HIGD1C: variants seen among roughly 807,000 people sequenced by gnomAD.
HIGD1C encodes HIG1 hypoxia inducible domain family member 1C, also known as HIG1 domain family member 1C.
Under a neutral mutation model 13.1 loss-of-function variants are expected in HIGD1C, and 11 were observed. That is an observed-to-expected ratio of 0.84 (90% CI 0.53 to 1.39). The LOEUF (loss-of-function observed/expected upper bound fraction) is 1.39, where lower values mean the gene tolerates loss of function less well. Among genes scored for constraint, HIGD1C ranks in the 40% most tolerant of loss-of-function variants. The pLI is 0.00. For missense variants in HIGD1C, 110 were observed against 112.0 expected (o/e 0.98, Z 0.08); for synonymous variants, 36 against 37.7 (o/e 0.95, Z 0.17).
At chr12:50,943,468 T>C in the HIGD1C span, among the ~76,000 whole-genome samples, 1 of 152,098 alleles carries the variant, frequency 6.6e-6, no homozygotes, top group Non-Finnish European at 1.5e-5. Context: ...CCCAGCACTT[T>C]GGGAGACCAA....
chr12:50,954,542 A>G (rs188746923), intron 1 of HIGD1C, among the ~76,000 whole-genome samples: 38 of 152,202 alleles, frequency 2.5e-4, no homozygotes, highest in Non-Finnish European at 5.1e-4. Flanking sequence ...TTCTGTTTCT[A>G]TCTTACTATT....
intron 1 of HIGD1C, among the ~76,000 whole-genome samples, chr12:50,958,908 T>C (rs1470525346): frequency 6.6e-6 from 1 of 151,164 alleles, no homozygotes; most frequent in Non-Finnish European, 1.5e-5. Context: ...TCCCAGCTAC[T>C]AGGGAGGCTG....
upstream of HIGD1C, among the ~76,000 whole-genome samples, chr12:50,951,204 C>T (rs186089245): frequency 2.6e-5 from 4 of 152,252 alleles, no homozygotes; most frequent in South Asian, 4.1e-4. Context: ...GCAGACACCA[C>T]GTTAATCCAC....
the HIGD1C span, among the ~76,000 whole-genome samples, chr12:50,948,671 C>A: frequency 6.7e-6 from 1 of 150,302 alleles, no homozygotes; most frequent in Admixed American, 6.7e-5. Context: ...AGATTGAGAC[C>A]ATCCTGACCA....
At chr12:50,970,963 C>A (rs1939740757), downstream of HIGD1C, among the ~76,000 whole-genome samples, 1 of 152,118 alleles carries the variant, frequency 6.6e-6, no homozygotes, top group Non-Finnish European at 1.5e-5. Flanking sequence ...ACCGCAACCT[C>A]TGCCTCTCAG....
chr12:50,954,909 T>A (rs533190317), intron 1 of HIGD1C, among the ~76,000 whole-genome samples: 7 of 152,314 alleles, frequency 4.6e-5, no homozygotes, highest in African/African-American at 1.7e-4. Context: ...AGTGGTCATT[T>A]TGGCTGCTCA....
intron 2 of HIGD1C, among the ~76,000 whole-genome samples, chr12:50,967,204 C>T (rs1470769146): frequency 2.0e-5 from 3 of 152,106 alleles, no homozygotes; most frequent in Admixed American, 2.0e-4. Flanking sequence ...CAGCCTCAAA[C>T]TCCTGGGCTC....
At chr12:50,944,534 T>G in the HIGD1C span, among the ~76,000 whole-genome samples, 1 of 152,160 alleles carries the variant, frequency 6.6e-6, no homozygotes, top group South Asian at 2.1e-4. Context: ...GAAAACTTAG[T>G]TTTACCTTCC....
At chr12:50,968,833 C>T (rs77481269) in intron 2 of HIGD1C, among the ~76,000 whole-genome samples, 13,898 of 151,698 alleles carry the variant, frequency 0.092, 938 homozygotes, top group African/African-American at 0.19. Context: ...TGAGCCACCA[C>T]GCCTGACCCT....
downstream of HIGD1C, chr12:50,970,565 A>C: frequency 9.3e-7 from 1 of 1,077,932 alleles, no homozygotes. Flanking sequence ...TATTATGAAG[A>C]ATAAATTTTC....
upstream of HIGD1C, among the ~76,000 whole-genome samples, chr12:50,950,105 G>A (rs150950350): frequency 4.1e-3 from 618 of 152,212 alleles, 3 homozygotes; most frequent in African/African-American, 0.014. Context: ...GACACCTCAC[G>A]GGTGACAGGA....
chr12:50,935,752 G>A, the HIGD1C span, among the ~76,000 whole-genome samples: 33 of 152,178 alleles, frequency 2.2e-4, no homozygotes, highest in Middle Eastern at 3.4e-3. Flanking sequence ...GCCTTCCAAA[G>A]TTCTGGGATT....
intron 2 of HIGD1C, among the ~76,000 whole-genome samples, chr12:50,968,934 C>G (rs1939653909): frequency 6.6e-6 from 1 of 152,176 alleles, no homozygotes. Flanking sequence ...CTCCCTTGGC[C>G]TTCCAACGTG....
At chr12:50,970,696 T>C (rs572136393), downstream of HIGD1C, among the ~76,000 whole-genome samples, 2 of 152,280 alleles carry the variant, frequency 1.3e-5, no homozygotes, top group South Asian at 4.1e-4. Flanking sequence ...AACTCAGAAA[T>C]ATCCCGTGTT....
At chr12:50,954,741 A>G (rs891990603) in intron 1 of HIGD1C, among the ~76,000 whole-genome samples, 1 of 152,128 alleles carries the variant, frequency 6.6e-6, no homozygotes, top group Non-Finnish European at 1.5e-5. Flanking sequence ...CAAACAAACA[A>G]ATAAACAAAA....
chr12:50,961,494 T>C (rs141290267), intron 2 of HIGD1C, among the ~76,000 whole-genome samples: 1 of 149,654 alleles, frequency 6.7e-6, no homozygotes, highest in East Asian at 2.2e-4. Flanking sequence ...CAAATGTAGT[T>C]ATTAGCTTAG....
chr12:50,949,482 G>A (rs562310849), upstream of HIGD1C: 1 of 149,454 alleles, frequency 6.7e-6, no homozygotes, highest in Non-Finnish European at 1.5e-5. Context: ...CTTTAAGCTG[G>A]CTCCTGTTGT....
the HIGD1C span, among the ~76,000 whole-genome samples, chr12:50,948,565 T>A: frequency 1.5e-4 from 22 of 151,716 alleles, no homozygotes; most frequent in Admixed American, 4.6e-4. Flanking sequence ...CCTGAAAATA[T>A]ACCTTCAATA....
chr12:50,964,407 T>A lies in HIGD1C; in HGVS notation c.229+3305T>A, dbSNP rs1254477632. ...TATTAGGCATCCTGCCTGTGTTGGA[T>A]TTAGTTTTCCATTGTCTTTAATCAC... On this transcript the variant is annotated intron_variant, in intron 2 of 2. Transcript: ENST00000398455. Among the ~76,000 whole-genome samples the A allele has an allele frequency of 8.5e-5, 13 of 152,358 alleles. No individual in the cohort carries two copies. In the East Asian group the frequency reaches 2.5e-3, roughly 29 times the overall value.
Sources: allele counts gnomAD v4.1 joint callset (sites outside exome capture counted in the v4.1 genomes callset), GRCh38; gene constraint gnomAD v4.1.1; transcripts MANE v1.5; gene names NCBI Gene and HGNC (gene_info 2026-07-23, HGNC 2026-07-21).